Variants in CLCN3 observed in about 807,000 individuals in gnomAD.
CLCN3 encodes H(+)/Cl(-) exchange transporter 3.
CLCN3 carries 16 observed loss-of-function variants against 83.4 expected under a neutral mutation model. The observed-to-expected ratio is 0.19, with a 90% CI of 0.13 to 0.29. CLCN3 has a LOEUF of 0.29. Ranked by LOEUF, CLCN3 falls within the 10% of genes least tolerant of loss-of-function variation. The pLI is 1.00. For synonymous variants in CLCN3, 322 were observed against 346.2 expected, an observed-to-expected ratio of 0.93 and a Z score of 0.78; for missense variants, 544 against 1,006.0, an observed-to-expected ratio of 0.54 and a Z score of 6.21.
chr4:169,704,492 C>G (rs547136511), intron 10 of CLCN3, among the ~76,000 whole-genome samples: 2 of 152,288 alleles, frequency 1.3e-5, no homozygotes, highest in African/African-American at 4.8e-5. Flanking sequence ...CCAAAGATGT[C>G]TTTGATTCTT....
chr4:169,693,133 G>C (rs1420638322), intron 7 of CLCN3, among the ~76,000 whole-genome samples: 2 of 152,078 alleles, frequency 1.3e-5, no homozygotes, highest in African/African-American at 4.8e-5. Flanking sequence ...TTTTCATCTT[G>C]TTGAGTTTTT....
Position 169,720,046 on chromosome 4 carries a change from T to G in CLCN3, c.*49T>G. The G allele has an allele frequency of 6.2e-7, 1 of 1,612,268 alleles. No homozygotes were observed. The highest frequency in any genetic ancestry group is 8.5e-7 in the Non-Finnish European group (1 of 1,179,290). On this transcript the variant is annotated 3_prime_UTR_variant, in exon 13 of 13. Coordinates refer to ENST00000513761, the MANE Select transcript of CLCN3 (RefSeq NM_001829.4). Reference sequence around the variant, plus strand: ...GAAACGGAAGAGGAAGTTTATTTGTTGAATAGCACAACTCTTTAACCTGAG... The same window carrying G: ...GAAACGGAAGAGGAAGTTTATTTGTGGAATAGCACAACTCTTTAACCTGAG...
Position 169,713,120 on chromosome 4 carries a change from C to T in CLCN3, c.2191C>T (p.Arg731Trp), listed in dbSNP as rs1733287362. 2.5e-6 allele frequency: 4 copies of T among 1,614,010 alleles called. No homozygotes were observed. The highest frequency in any genetic ancestry group is 3.4e-6 in the Non-Finnish European group (4 of 1,180,022). ...KKQEGIVGSS[R>W]VCFAQHTPSL... ...ACAAGAAGGTATCGTTGGCAGTTCT[C>T]GGGTGTGTTTTGCACAGCACACCCC... The change falls in exon 12 of 13, where the codon CGG (arginine) becomes TGG (tryptophan). Residue 731 changes from arginine to tryptophan, a missense_variant. By Grantham distance (101) the Arg-to-Trp change is moderately radical. Around this residue, in one of 6 missense-constraint regions of CLCN3, gnomAD observed 142 missense variants for 225.0 expected, o/e 0.63. Coordinates refer to ENST00000513761, the MANE Select transcript of CLCN3 (RefSeq NM_001829.4).
chr4:169,689,209 A>G lies in CLCN3; in HGVS notation c.585A>G (p.Glu195=), dbSNP rs1331065836. ...GTCCACAGTGGAAAACATGGGCAGA[A>G]TTAATCATAGGTCAAGCAGAGGTAA... is the stretch of plus-strand genomic sequence containing the variant. ...DKCPQWKTWA[E]LIIGQAEGPG... is the part of the protein sequence containing the mutation. Residue 195 remains glutamate, a synonymous_variant, in exon 5 of 13, where the codon GAA becomes GAG. Coordinates refer to ENST00000513761, the MANE Select transcript of CLCN3 (RefSeq NM_001829.4). The G allele has an allele frequency of 1.9e-6, 3 of 1,613,536 alleles. No homozygotes were observed. Among genetic ancestry groups the G allele is most frequent in the Non-Finnish European group, 2.5e-6 (3 of 1,179,780 alleles).
At chr4:169,636,238 A>G (rs1773498539) in intron 2 of CLCN3, 150 bp downstream of exon 2, 1 of 688,710 alleles carries the variant, frequency 1.5e-6, no homozygotes, top group Admixed American at 3.1e-5. Context: ...AAAGTGTGGA[A>G]CTGAGTGGCA....
At chr4:169,654,725 A>G (rs1269621797) in intron 2 of CLCN3, among the ~76,000 whole-genome samples, 1 of 152,186 alleles carries the variant, frequency 6.6e-6, no homozygotes, top group Non-Finnish European at 1.5e-5. Flanking sequence ...TGCATTATGT[A>G]ATTACAGTGT....
rs1733630344 is a variant in CLCN3 at position 169,721,279 on chromosome 4, A to G, written c.*1282A>G. ...ATGTGATTTTTATAGAATAATTCAG[A>G]CTTACAAATACAGAGATATGAACAA... On this transcript the variant is annotated 3_prime_UTR_variant, in exon 13 of 13. Transcript: ENST00000513761. The G allele has an allele frequency of 6.6e-6, 1 of 152,232 alleles. No homozygotes were observed. The highest frequency in any genetic ancestry group is 1.5e-5 in the Non-Finnish European group (1 of 68,038). 9.4% of individuals were successfully genotyped at this position (152,232 alleles called of 1,614,324 possible).
intron 1 of CLCN3, among the ~76,000 whole-genome samples, chr4:169,633,115 C>T (rs989507240): frequency 2.6e-5 from 4 of 152,218 alleles, no homozygotes; most frequent in South Asian, 4.1e-4. Flanking sequence ...CTGGCTCAAG[C>T]GATTTTCATG....
chr4:169,684,155 C>G (rs1187935499), intron 3 of CLCN3, among the ~76,000 whole-genome samples: 2 of 152,192 alleles, frequency 1.3e-5, no homozygotes, highest in Non-Finnish European at 2.9e-5. Context: ...TATTTCGAAG[C>G]AAATTGTCAT....
chr4:169,697,400 C>G lies in CLCN3; in HGVS notation c.1229C>G (p.Ala410Gly). The part of the protein sequence containing the change: ...GGLWGAFFIR[A>G]NIAWCRRRKS... ...CTTTGGGGAGCCTTTTTCATTAGGG[C>G]AAATATTGCCTGGTGTCGTCGACGC... The change falls in exon 9 of 13, where the codon GCA becomes GGA. Residue 410 changes from alanine (A) to glycine (G), a missense_variant. This residue lies in a region of CLCN3 where 194 missense variants were observed against 341.4 expected (regional missense o/e 0.57). Transcript: ENST00000513761. The G allele has an allele frequency of 6.2e-7, 1 of 1,613,960 alleles. No homozygotes were observed.
At chr4:169,675,719 T>G (rs1307034652) in intron 2 of CLCN3, among the ~76,000 whole-genome samples, 1 of 152,176 alleles carries the variant, frequency 6.6e-6, no homozygotes, top group Non-Finnish European at 1.5e-5. Flanking sequence ...TGGAAAAAAT[T>G]TAAATGTTTC....
Position 169,689,031 on chromosome 4 carries a change from A to G in CLCN3, c.419-12A>G. On this transcript the variant is annotated splice_polypyrimidine_tract_variant and intron_variant, in intron 4 of 12. Coordinates refer to ENST00000513761, the MANE Select transcript of CLCN3 (RefSeq NM_001829.4). ...ACTTAATTTTTTTACCATCTCCAACATGTTTTTATAGGGGCACTGGCCGGA... is the reference window on the plus strand; with the variant it reads ...ACTTAATTTTTTTACCATCTCCAACGTGTTTTTATAGGGGCACTGGCCGGA... 2 of 1,601,318 alleles carry G rather than the reference A, an allele frequency of 1.2e-6. No individual in the cohort carries two copies. The highest frequency in any genetic ancestry group is 1.7e-6 in the Non-Finnish European group (2 of 1,176,316).
Position 169,717,062 on chromosome 4 carries a change from A to G in CLCN3, c.2367-2845A>G, listed in dbSNP as rs1344999613. 2.0e-5 allele frequency among the ~76,000 whole-genome samples: 3 copies of G among 152,214 alleles called. No homozygotes were observed. In the South Asian group the frequency reaches 6.2e-4, roughly 32 times the overall value. On this transcript the variant is annotated intron_variant, in intron 12 of 12. Coordinates refer to ENST00000513761, the MANE Select transcript of CLCN3 (RefSeq NM_001829.4). ...AATCTAATTATTTTCATGTATCCTC[A>G]TTATGAGAATTTATGTCCATCACTT...
intron 2 of CLCN3, chr4:169,643,063 C>T (rs1270342862): frequency 1.3e-5 from 2 of 152,052 alleles, no homozygotes; most frequent in East Asian, 3.8e-4. Context: ...AGAATTATAA[C>T]AGAGCTATAT....
intron 1 of CLCN3, among the ~76,000 whole-genome samples, chr4:169,633,953 AGT>A (rs939101061): frequency 1.0e-4 from 1 of 9,818 alleles, no homozygotes; most frequent in Non-Finnish European, 1.1e-3. Flanking sequence ...TACGTGGAAT[AGT>A]TTTTTTTTTT....
chr4:169,683,059 A>G (rs1391170499), intron 3 of CLCN3, among the ~76,000 whole-genome samples: 6 of 152,228 alleles, frequency 3.9e-5, no homozygotes. Context: ...TATGATCATT[A>G]GGTAAATACA....
chr4:169,702,817 G>A, intron 9 of CLCN3: 2 of 299,224 alleles, frequency 6.7e-6, no homozygotes, highest in Non-Finnish European at 1.4e-5. Context: ...GTGTGGTGGT[G>A]CACGCCTGTA....
At chr4:169,650,609 T>A (rs4692738) in intron 2 of CLCN3, among the ~76,000 whole-genome samples, 150,487 of 152,312 alleles carry the variant, frequency 0.99, 74,362 homozygotes, top group East Asian at 1. Context: ...AGTTAACATA[T>A]CACTGCTACC....
At chr4:169,694,480 A>G (rs946207017) in intron 7 of CLCN3, among the ~76,000 whole-genome samples, 2 of 152,208 alleles carry the variant, frequency 1.3e-5, no homozygotes, top group African/African-American at 2.4e-5. Context: ...AAATGTAACA[A>G]TTGACCATTT....
Sources: gnomAD v4.1 joint callset for allele counts (sites outside exome capture counted in the v4.1 genomes callset) on GRCh38, gnomAD v4.1.1 for gene constraint, gnomAD v4.1.1 regional missense constraint, MANE v1.5 for transcripts, NCBI Gene and HGNC (gene_info 2026-07-23, HGNC 2026-07-21) for gene names.